Variants in PTPRT observed in about 807,000 individuals in gnomAD.
The protein encoded by PTPRT is protein tyrosine phosphatase receptor type T.
A neutral mutation model predicts 176.8 loss-of-function variants in PTPRT; 56 were observed. That is an observed-to-expected ratio of 0.32 (90% CI 0.26 to 0.40). The LOEUF is 0.40. Ranked by LOEUF, PTPRT falls within the 10% of genes least tolerant of loss-of-function variation. The pLI, the probability that PTPRT is intolerant of heterozygous loss-of-function variation, is 1.00. For synonymous variants in PTPRT, 783 were observed against 739.0 expected (o/e 1.06, Z -0.96); for missense variants, 1,540 against 1,908.2 (o/e 0.81, Z 3.60).
At chr20:42,133,844 C>T (rs1238780953) in intron 18 of PTPRT, among the ~76,000 whole-genome samples, 1 of 152,112 alleles carries the variant, frequency 6.6e-6, no homozygotes, top group African/African-American at 2.4e-5. Context: ...TAAAACTGCT[C>T]TAAAGAAAAA....
At chr20:42,691,393 T>G (rs1168938796) in intron 6 of PTPRT, among the ~76,000 whole-genome samples, 1 of 152,224 alleles carries the variant, frequency 6.6e-6, no homozygotes, top group Non-Finnish European at 1.5e-5. Context: ...ATTGTTATTT[T>G]GCAAATTCTT....
chr20:42,329,756 A>T (rs1177236405), intron 11 of PTPRT, among the ~76,000 whole-genome samples: 1 of 152,166 alleles, frequency 6.6e-6, no homozygotes, highest in East Asian at 1.9e-4. Context: ...AAATTTCCCA[A>T]ATGTCAGTAT....
intron 1 of PTPRT, among the ~76,000 whole-genome samples, chr20:42,978,699 C>T (rs964485338): frequency 6.6e-6 from 1 of 152,112 alleles, no homozygotes; most frequent in Non-Finnish European, 1.5e-5. Context: ...TAAAGAAGCC[C>T]GCTAAATCCC....
chr20:42,239,351 C>A (rs1385931301), intron 14 of PTPRT, among the ~76,000 whole-genome samples: 1 of 151,012 alleles, frequency 6.6e-6, no homozygotes, highest in African/African-American at 2.4e-5. Context: ...AACTTCAGAT[C>A]ACACAGCTAG....
rs574204638 is a variant in PTPRT, at chr20:42,435,563, G to A, written c.1560+12657C>T. Among the ~76,000 whole-genome samples, 11 of 152,248 alleles carry A rather than the reference G, an allele frequency of 7.2e-5. No individual in the cohort carries two copies. In the South Asian group the frequency reaches 2.3e-3, roughly 32 times the overall value. On this transcript the variant is annotated intron_variant, in intron 9 of 30. Transcript: ENST00000373187. Reference sequence around the variant, plus strand: ...ACCAGAGGGAAAAAGAGAATGGGAGGTGCAAGTCTTTCAGACCTAAGGTAG... The same window carrying A: ...ACCAGAGGGAAAAAGAGAATGGGAGATGCAAGTCTTTCAGACCTAAGGTAG...
intron 7 of PTPRT, among the ~76,000 whole-genome samples, chr20:42,569,705 A>C (rs1234952680): frequency 6.6e-6 from 1 of 152,302 alleles, no homozygotes; most frequent in East Asian, 1.9e-4. Context: ...GCTATGCTCC[A>C]GGCAGAAAGA....
chr20:42,643,619 C>A (rs943756081), intron 7 of PTPRT, among the ~76,000 whole-genome samples: 17 of 151,698 alleles, frequency 1.1e-4, no homozygotes, highest in African/African-American at 4.1e-4. Flanking sequence ...GCCCAGCTAC[C>A]TTCACTTTCA....
At chr20:42,569,960 A>G (rs2073125725) in intron 7 of PTPRT, among the ~76,000 whole-genome samples, 1 of 152,242 alleles carries the variant, frequency 6.6e-6, no homozygotes, top group South Asian at 2.1e-4. Flanking sequence ...ATGTTACAGA[A>G]GAAGACACTG....
chr20:42,604,512 CTCT>C (rs1272695113), intron 7 of PTPRT, among the ~76,000 whole-genome samples: 2 of 149,078 alleles, frequency 1.3e-5, no homozygotes, highest in African/African-American at 2.6e-5. Context: ...AGATTTAGTT[CTCT>C]TTTTTTTTTC....
intron 1 of PTPRT, among the ~76,000 whole-genome samples, chr20:42,985,784 TC>T (rs1370684064): frequency 6.6e-6 from 1 of 152,058 alleles, no homozygotes; most frequent in African/African-American, 2.4e-5. Flanking sequence ...ATGTTCAAAG[TC>T]TAGCGGGGGG....
intron 1 of PTPRT, among the ~76,000 whole-genome samples, chr20:42,932,011 C>A (rs371678070): frequency 4.5e-4 from 69 of 152,372 alleles, no homozygotes; most frequent in African/African-American, 1.5e-3. Context: ...GCCACAGCAG[C>A]CTCCTTGTCC....
rs1555815038 is a variant in PTPRT, at chr20:42,999,615, T to TTTG, written c.89-113686_89-113684dup. Among the ~76,000 whole-genome samples the TTTG allele has an allele frequency of 1.1e-4, 16 of 150,556 alleles. No homozygotes were observed. The East Asian group carries it at 2.5e-3, about 24-fold the overall frequency. On this transcript the variant is annotated intron_variant, in intron 1 of 30. Transcript: ENST00000373187. ...TAAAAAAAAAACTTGTGGTTTTTTT[T>TTTG]TTGTTGTTGTTGTTGTTGTGGTGGT...
At chr20:42,237,988 A>C (rs1161065955) in intron 14 of PTPRT, among the ~76,000 whole-genome samples, 1 of 152,150 alleles carries the variant, frequency 6.6e-6, no homozygotes, top group African/African-American at 2.4e-5. Context: ...TCACAGCCCC[A>C]AATTTTCCCA....
chr20:42,325,343 C>A lies in PTPRT; in HGVS notation c.1866-9347G>T, dbSNP rs144400651. On this transcript the variant is annotated intron_variant, in intron 11 of 30. Coordinates refer to ENST00000373187, the MANE Select transcript of PTPRT (RefSeq NM_007050.6). ...CTTTGTTTCTTATTTGGGCCCTTCTCCTATGATTGAATTGCATTTGATACA... is the reference window on the plus strand; with the variant it reads ...CTTTGTTTCTTATTTGGGCCCTTCTACTATGATTGAATTGCATTTGATACA... Among the ~76,000 whole-genome samples the A allele has an allele frequency of 7.0e-4, 107 of 152,182 alleles. 1 individual carries two copies. The highest frequency in any genetic ancestry group is 2.4e-3 in the African/African-American group (101 of 41,516).
chr20:42,230,886 C>G (rs1390766329), intron 15 of PTPRT, among the ~76,000 whole-genome samples: 4 of 152,228 alleles, frequency 2.6e-5, no homozygotes, highest in African/African-American at 9.6e-5. Context: ...GTCCCCAGAT[C>G]CCTCTGTTCC....
chr20:42,453,116 T>C (rs2070860155), intron 8 of PTPRT, among the ~76,000 whole-genome samples: 2 of 152,212 alleles, frequency 1.3e-5, no homozygotes, highest in Non-Finnish European at 2.9e-5. Context: ...AGTCTTATTC[T>C]TCTTTTGCAA....
intron 6 of PTPRT, among the ~76,000 whole-genome samples, chr20:42,698,841 A>G (rs993336927): frequency 2.7e-5 from 4 of 150,568 alleles, no homozygotes; most frequent in Non-Finnish European, 4.4e-5. Context: ...AGAGGCAACA[A>G]TGAATGCATA....
chr20:42,572,448 TC>T (rs1215280966), intron 7 of PTPRT, among the ~76,000 whole-genome samples: 1 of 151,668 alleles, frequency 6.6e-6, no homozygotes, highest in African/African-American at 2.4e-5. Context: ...ACATGGGTCT[TC>T]CCCCAGCTTC....
intron 12 of PTPRT, among the ~76,000 whole-genome samples, chr20:42,315,089 C>A (rs2057697310): frequency 1.5e-5 from 2 of 129,180 alleles, no homozygotes; most frequent in Non-Finnish European, 3.4e-5. Flanking sequence ...AAAATGGTTA[C>A]CTTGCGTGAA....
Sources: gnomAD v4.1 joint callset for allele counts (sites outside exome capture counted in the v4.1 genomes callset) on GRCh38, gnomAD v4.1.1 for gene constraint, MANE v1.5 for transcripts, NCBI Gene and HGNC (gene_info 2026-07-23, HGNC 2026-07-21) for gene names.